The following UACA variants were observed in gnomAD, a reference collection of about 807,000 sequenced individuals.
UACA encodes nuclear membrane binding protein.
A neutral mutation model predicts 160.5 loss-of-function variants in UACA; 112 were observed. That is an observed-to-expected ratio of 0.70 (90% CI 0.60 to 0.82). The LOEUF (loss-of-function observed/expected upper bound fraction) is 0.82, where lower values mean the gene tolerates loss of function less well. UACA is among the 40% of genes least tolerant of loss of function. The pLI is 0.00. For synonymous variants in UACA, 557 were observed against 568.4 expected (o/e 0.98, Z 0.29); for missense variants, 1,574 against 1,614.6 (o/e 0.97, Z 0.43).
chr15:70,667,877 C>T lies in UACA; in HGVS notation c.2807G>A (p.Ser936Asn). 1.2e-6 allele frequency: 2 copies of T among 1,614,084 alleles called. No homozygotes were observed. The highest frequency in any genetic ancestry group is 1.7e-6 in the Non-Finnish European group (2 of 1,180,008). The change falls in exon 16 of 19, where the codon AGT (serine) becomes AAT (asparagine). Residue 936 changes from serine to asparagine, a missense_variant. Transcript: ENST00000322954. ...AEHEAKMSSL[S>N]QSMRKVQDSN... ...ATCCTGCACCTTTCTCATGCTCTGACTTAGCGAGCTCATCTTTGCCTCGTG... is the reference window on the plus strand; with the variant it reads ...ATCCTGCACCTTTCTCATGCTCTGATTTAGCGAGCTCATCTTTGCCTCGTG...
In UACA at chr15:70,657,066, A is replaced by C. The variant is rs1196440176; in HGVS notation, c.4241T>G (p.Leu1414Arg). 1 of 1,613,980 alleles carries C rather than the reference A, an allele frequency of 6.2e-7. No homozygotes were observed. Among genetic ancestry groups the C allele is most frequent in the Non-Finnish European group, 8.5e-7 (1 of 1,179,924 alleles). Residue 1414 changes from leucine (L) to arginine (R), a missense_variant, in exon 19 of 19, where the codon CTT (leucine) becomes CGT (arginine). By Grantham distance (102) the Leu-to-Arg change is moderately radical (BLOSUM62 -2). Transcript: ENST00000322954. ...AGTCAGTGCTAACGGCTAGCACACA[A>C]GCCCCTGCCGCATTTGTATGATCTG... The part of the protein sequence containing the change: ...LLQIIQMRQG[L>R]VC
chr15:70,698,967 G>A (rs922911743), intron 2 of UACA, among the ~76,000 whole-genome samples: 16 of 152,112 alleles, frequency 1.1e-4, no homozygotes, highest in Non-Finnish European at 2.2e-4. Flanking sequence ...AAACAAAAGG[G>A]TGGGATTATT....
At position 70,669,067 on chromosome 15, in the gene UACA, G is replaced by A. The variant is rs745363839; in HGVS notation, c.1617C>T (p.Thr539=). ...CTTTCAACTGATCCTTCAGTTCCTCGGTTAGTCTGTGATTCCCTGAGGCTG... is the reference window on the plus strand; with the variant it reads ...CTTTCAACTGATCCTTCAGTTCCTCAGTTAGTCTGTGATTCCCTGAGGCTG... The part of the protein sequence containing the change: ...SEAASGNHRL[T]EELKDQLKDL... The change falls in exon 16 of 19, where the codon ACC becomes ACT. Residue 539 remains threonine (T), a synonymous_variant. Transcript: ENST00000322954. The A allele has an allele frequency of 1.8e-5, 29 of 1,613,712 alleles. 1 individual carries two copies. The highest frequency in any genetic ancestry group is 9.9e-5 in the South Asian group (9 of 91,064).
In UACA at chr15:70,668,394, G is replaced by C; in HGVS notation, c.2290C>G (p.Leu764Val). 6.2e-7 allele frequency: 1 copy of C among 1,609,688 alleles called. No homozygotes were observed. Among genetic ancestry groups the C allele is most frequent in the Non-Finnish European group, 8.5e-7 (1 of 1,179,150 alleles). Reference sequence around the variant, plus strand: ...GTTACATCTAAAAGCTTTCTATTAAGATCATCAATAATTGCATCATGTGAC... The same window carrying C: ...GTTACATCTAAAAGCTTTCTATTAACATCATCAATAATTGCATCATGTGAC... ...KKSHDAIIDD[L>V]NRKLLDVTQK... Residue 764 changes from leucine to valine, a missense_variant, in exon 16 of 19, where the codon CTT becomes GTT. Coordinates refer to ENST00000322954, the MANE Select transcript of UACA (RefSeq NM_018003.4).
chr15:70,754,876 T>G (rs2030321159), intron 1 of UACA, among the ~76,000 whole-genome samples: 1 of 152,218 alleles, frequency 6.6e-6, no homozygotes, highest in African/African-American at 2.4e-5. Context: ...TGTATTATGA[T>G]TAAGGAAAAT....
At chr15:70,771,897 T>C in the UACA span, among the ~76,000 whole-genome samples, 210 of 152,106 alleles carry the variant, frequency 1.4e-3, no homozygotes, top group African/African-American at 4.4e-3. Flanking sequence ...GGCTGGAGCA[T>C]AGTGGGAGAA....
At chr15:70,713,001 A>C (rs1377988442) in intron 1 of UACA, among the ~76,000 whole-genome samples, 1 of 152,166 alleles carries the variant, frequency 6.6e-6, no homozygotes, top group Non-Finnish European at 1.5e-5. Context: ...TTGATGTTCT[A>C]ATGAAGAAAG....
At chr15:70,706,723 C>T (rs997431467) in intron 1 of UACA, among the ~76,000 whole-genome samples, 2 of 152,044 alleles carry the variant, frequency 1.3e-5, no homozygotes, top group Non-Finnish European at 2.9e-5. Context: ...TAATAAAATA[C>T]TTAGGAATAA....
chr15:70,688,175 GT>G (rs939924401), intron 5 of UACA, among the ~76,000 whole-genome samples: 6 of 152,006 alleles, frequency 3.9e-5, no homozygotes, highest in African/African-American at 1.4e-4. Context: ...TGTTGGCTCA[GT>G]TTTTTTAAAG....
At chr15:70,684,120 C>T (rs1897617641) in intron 8 of UACA, 145 bp downstream of exon 8, 1 of 637,464 alleles carries the variant, frequency 1.6e-6, no homozygotes, top group Admixed American at 3.5e-5. Flanking sequence ...GTAAGCAAAT[C>T]CATGTTGTAG....
chr15:70,769,320 C>A, the UACA span, among the ~76,000 whole-genome samples: 1 of 112,970 alleles, frequency 8.9e-6, no homozygotes, highest in Non-Finnish European at 1.6e-5. Flanking sequence ...GCCTGGGCGA[C>A]AGAGTGAGAC....
intron 1 of UACA, among the ~76,000 whole-genome samples, chr15:70,747,241 G>GTTTT (rs549683234): frequency 7.5e-5 from 9 of 119,226 alleles, no homozygotes; most frequent in South Asian, 2.8e-4. Flanking sequence ...TGTTTTTTGG[G>GTTTT]TTTTTTTTTT....
intron 1 of UACA, among the ~76,000 whole-genome samples, chr15:70,705,524 G>A (rs573631476): frequency 1.1e-4 from 16 of 151,864 alleles, no homozygotes; most frequent in East Asian, 9.7e-4. Context: ...CAACAAGAGC[G>A]AAACTCCATC....
intron 3 of UACA, among the ~76,000 whole-genome samples, chr15:70,692,613 T>C (rs1439129772): frequency 6.6e-6 from 1 of 151,990 alleles, no homozygotes; most frequent in Non-Finnish European, 1.5e-5. Flanking sequence ...CTACAAAACA[T>C]ATAAAAATTA....
chr15:70,687,439 G>T, intron 7 of UACA, 101 bp downstream of exon 7: 1 of 1,087,544 alleles, frequency 9.2e-7, no homozygotes. Flanking sequence ...AGAACCCACA[G>T]GAAAGAAAGG....
chr15:70,763,306 C>T, intron 1 of UACA, 24 bp downstream of exon 1: 1 of 1,324,574 alleles, frequency 7.5e-7, no homozygotes, highest in Non-Finnish European at 9.7e-7. Context: ...CGGAGCGCCT[C>T]GCAGCCCGGA....
chr15:70,662,432 C>T (rs1896743469), intron 17 of UACA, among the ~76,000 whole-genome samples: 1 of 152,184 alleles, frequency 6.6e-6, no homozygotes, highest in Non-Finnish European at 1.5e-5. Context: ...AATGGCTATA[C>T]TGCCCAAGGT....
chr15:70,686,263 C>T (rs1897713276), intron 7 of UACA, among the ~76,000 whole-genome samples: 2 of 151,458 alleles, frequency 1.3e-5, no homozygotes, highest in African/African-American at 2.4e-5. Flanking sequence ...TGGTTTTATA[C>T]ATTTTAGGGA....
chr15:70,703,106 C>G (rs948780633), intron 1 of UACA: 4 of 1,289,044 alleles, frequency 3.1e-6, no homozygotes, highest in Non-Finnish European at 4.0e-6. Context: ...GCATTCTCTA[C>G]GATAGCATAC....
Sources: allele counts gnomAD v4.1 joint callset (sites outside exome capture counted in the v4.1 genomes callset), GRCh38; gene constraint gnomAD v4.1.1; transcripts MANE v1.5; gene names NCBI Gene and HGNC (gene_info 2026-07-23, HGNC 2026-07-21).